ST3GAL4: variants seen among roughly 807,000 people sequenced by gnomAD.
The protein encoded by ST3GAL4 is CMP-N-acetylneuraminate-beta-galactosamide-alpha-2,3-sialyltransferase 4.
ST3GAL4 carries 24 observed loss-of-function variants against 42.6 expected under a neutral mutation model. That is an observed-to-expected ratio of 0.56 (90% confidence interval 0.41 to 0.79). The LOEUF is 0.79. Among genes scored for constraint, ST3GAL4 ranks in the 30% least tolerant of loss-of-function variants. The pLI, the probability that ST3GAL4 is intolerant of heterozygous loss-of-function variation, is 0.00. For synonymous variants in ST3GAL4, 135 were observed against 163.2 expected (o/e 0.83, Z 1.32); for missense variants, 311 against 430.8 (o/e 0.72, Z 2.46).
In ST3GAL4 at chr11:126,414,539, G is replaced by A; in HGVS notation, c.*492G>A. The A allele has an allele frequency of 6.1e-6, 1 of 164,496 alleles. No homozygotes were observed. The highest frequency in any genetic ancestry group is 1.3e-5 in the Non-Finnish European group (1 of 75,024). 10.2% of individuals were successfully genotyped at this position (164,496 alleles called of 1,614,324 possible). A position where few individuals can be genotyped will look rare whatever the true frequency, so the allele number is the denominator to read the frequency against. On this transcript the variant is annotated 3_prime_UTR_variant, in exon 11 of 11. Transcript: ENST00000444328. ...GAGAGGGGCTGCTACCTCCCAGCAG[G>A]CATGGGAAGAGCACTGGTGTGGGGG...
At chr11:126,371,937 C>T (rs892795307) in intron 1 of ST3GAL4, among the ~76,000 whole-genome samples, 1 of 150,896 alleles carries the variant, frequency 6.6e-6, no homozygotes, top group Non-Finnish European at 1.5e-5. Flanking sequence ...TCCCTGGTTA[C>T]TAGTGAGCCT....
At chr11:126,369,417 T>A (rs1952556533) in intron 1 of ST3GAL4, among the ~76,000 whole-genome samples, 1 of 152,098 alleles carries the variant, frequency 6.6e-6, no homozygotes, top group Admixed American at 6.5e-5. Context: ...CCTGCTAATT[T>A]TTGTATTTTT....
rs1954508862 is a variant in ST3GAL4, at chr11:126,411,197, G to A, written c.771+1786G>A. Among the ~76,000 whole-genome samples the A allele has an allele frequency of 6.6e-6, 1 of 151,868 alleles. No individual in the cohort carries two copies. Among genetic ancestry groups the A allele is most frequent in the East Asian group, 1.9e-4 (1 of 5,176 alleles). On this transcript the variant is annotated intron_variant, in intron 9 of 10. Transcript: ENST00000444328. This position sits in a 1 kb window ranked among gnomAD's most constrained non-coding sequence, Gnocchi z 6.3. ...GTCTTGCTCTGTCACCCAGGCTGGA[G>A]TGCAGTGGGGTGATCTTGGCTCACT... is the stretch of plus-strand genomic sequence containing the variant.
chr11:126,399,492 A>G (rs1953917775), intron 1 of ST3GAL4, among the ~76,000 whole-genome samples: 1 of 151,464 alleles, frequency 6.6e-6, no homozygotes, highest in Non-Finnish European at 1.5e-5. Flanking sequence ...TTTTTAGTAG[A>G]GATGGGGTTT....
intron 1 of ST3GAL4, among the ~76,000 whole-genome samples, chr11:126,369,261 G>A (rs543846043): frequency 3.3e-4 from 50 of 151,864 alleles, no homozygotes; most frequent in African/African-American, 1.1e-3. Context: ...TTTTTTGGGG[G>A]GGGGAGGCAG....
In ST3GAL4 at chr11:126,358,020, C is replaced by T. The variant is rs536941620; in HGVS notation, c.-61+2178C>T. 2.3e-3 allele frequency among the ~76,000 whole-genome samples: 346 copies of T among 152,354 alleles called. 13 individuals are homozygous for T. The South Asian group carries it at 0.068, about 30-fold the overall frequency. ...GGGCCTGCAGGGGATGGAGAGGGAG[C>T]TTGGGCCCCAAGTGGGGTCTGAAGT... is the stretch of plus-strand genomic sequence containing the variant. On this transcript the variant is annotated intron_variant, in intron 1 of 10. Coordinates refer to ENST00000444328, the MANE Select transcript of ST3GAL4 (RefSeq NM_001254757.2).
At chr11:126,381,420 C>T (rs1210637072) in intron 1 of ST3GAL4, among the ~76,000 whole-genome samples, 2 of 151,686 alleles carry the variant, frequency 1.3e-5, no homozygotes, top group African/African-American at 4.8e-5. Context: ...AAGCCCCTTA[C>T]ATAACCAGGG....
In ST3GAL4 at chr11:126,397,882, C is replaced by G. The variant is rs1953844536; in HGVS notation, c.-60-8214C>G. On this transcript the variant is annotated intron_variant, in intron 1 of 10. Transcript: ENST00000444328. This position sits in a 1 kb window ranked among gnomAD's most constrained non-coding sequence, Gnocchi z 5.0. ...ATGAGAACAGAGCCCTTGACCCATT[C>G]ATGAGAACAGAGCCCTCATGGCCTA... is the stretch of plus-strand genomic sequence containing the variant. 1.3e-5 allele frequency among the ~76,000 whole-genome samples: 2 copies of G among 152,130 alleles called. No homozygotes were observed. The highest frequency in any genetic ancestry group is 3.9e-4 in the East Asian group (2 of 5,188).
At chr11:126,405,869 C>A (rs7933887) in intron 1 of ST3GAL4, 117,358 of 575,048 alleles carry the variant, frequency 0.2, 13,182 homozygotes, top group African/African-American at 0.26. Context: ...CTGGCTGGAC[C>A]CTCGGTTTTC....
intron 1 of ST3GAL4, among the ~76,000 whole-genome samples, chr11:126,369,712 A>C (rs1292498287): frequency 6.6e-6 from 1 of 152,166 alleles, no homozygotes; most frequent in Non-Finnish European, 1.5e-5. Flanking sequence ...TATTTTAATC[A>C]AATTATTACT....
chr11:126,364,582 C>T (rs1768795623), intron 1 of ST3GAL4, among the ~76,000 whole-genome samples: 1 of 142,950 alleles, frequency 7.0e-6, no homozygotes, highest in South Asian at 2.3e-4. Context: ...GGAGGCTGTT[C>T]CTTGGCCGCA....
At position 126,406,299 on chromosome 11, in the gene ST3GAL4, G is replaced by C; in HGVS notation, c.16+128G>C. 1 of 1,543,192 alleles carries C rather than the reference G, an allele frequency of 6.5e-7. No individual in the cohort carries two copies. The highest frequency in any genetic ancestry group is 8.7e-7 in the Non-Finnish European group (1 of 1,143,604). ...AGCCAGGGGCCCTTCTCTTCATCTT[G>C]AAGGACAGTGGGTACAATCAGGGTC... On this transcript the variant is annotated intron_variant, in intron 2 of 10. Coordinates refer to ENST00000444328, the MANE Select transcript of ST3GAL4 (RefSeq NM_001254757.2). The surrounding 1 kb of genome is among the most constrained non-coding windows in gnomAD (Gnocchi z 5.4).
chr11:126,406,096 G>C lies in ST3GAL4; in HGVS notation c.-60G>C. 6.4e-7 allele frequency: 1 copy of C among 1,551,656 alleles called. No homozygotes were observed. Among genetic ancestry groups the C allele is most frequent in the Middle Eastern group, 1.7e-4 (1 of 5,986 alleles). On this transcript the variant is annotated splice_region_variant and 5_prime_UTR_variant, in exon 2 of 11. Coordinates refer to ENST00000444328, the MANE Select transcript of ST3GAL4 (RefSeq NM_001254757.2). This position sits in a 1 kb window ranked among gnomAD's most constrained non-coding sequence, Gnocchi z 5.4. ...GACACCTGTGGCTCTTATTTCCTAG[G>C]TGGCCCGAGGCAGCCGGGATGACAG...
chr11:126,385,130 TACCTGGTCCAGGTC>T (rs1953175740), intron 1 of ST3GAL4, among the ~76,000 whole-genome samples: 1 of 151,938 alleles, frequency 6.6e-6, no homozygotes, highest in African/African-American at 2.4e-5. Context: ...AGAGGTTAAG[TACCTGGTCCAGGTC>T]ACCTGGTCAG....
At chr11:126,399,798 A>G (rs1953929187) in intron 1 of ST3GAL4, among the ~76,000 whole-genome samples, 1 of 152,140 alleles carries the variant, frequency 6.6e-6, no homozygotes, top group South Asian at 2.1e-4. Flanking sequence ...ATGTAGCCAC[A>G]TTCTTTGCTG....
rs976505120 is a variant in ST3GAL4 at position 126,400,808 on chromosome 11, A to C, written c.-60-5288A>C. 6.6e-5 allele frequency among the ~76,000 whole-genome samples: 10 copies of C among 152,332 alleles called. No individual in the cohort carries two copies. Among genetic ancestry groups the C allele is most frequent in the African/African-American group, 2.2e-4 (9 of 41,572 alleles). ...TCCGGAAGAGGAGCTGGAGGGCTGC[A>C]CTGTGAAGTATTTCTCAGAGTCTAG... On this transcript the variant is annotated intron_variant, in intron 1 of 10. Coordinates refer to ENST00000444328, the MANE Select transcript of ST3GAL4 (RefSeq NM_001254757.2). This position sits in a 1 kb window ranked among gnomAD's most constrained non-coding sequence, Gnocchi z 4.6.
At chr11:126,382,699 C>A (rs1391948302) in intron 1 of ST3GAL4, among the ~76,000 whole-genome samples, 1 of 152,180 alleles carries the variant, frequency 6.6e-6, no homozygotes, top group African/African-American at 2.4e-5. Flanking sequence ...TTCCATGGGA[C>A]CCTGGGCTGG....
At chr11:126,372,398 T>C (rs949752921) in intron 1 of ST3GAL4, among the ~76,000 whole-genome samples, 1 of 151,832 alleles carries the variant, frequency 6.6e-6, no homozygotes, top group Non-Finnish European at 1.5e-5. Flanking sequence ...AGAATTTCTT[T>C]TTTTCTTTTC....
At position 126,398,363 on chromosome 11, in the gene ST3GAL4, G is replaced by A. The variant is rs1953864530; in HGVS notation, c.-60-7733G>A. 6.6e-6 allele frequency among the ~76,000 whole-genome samples: 1 copy of A among 152,234 alleles called. No individual in the cohort carries two copies. Among genetic ancestry groups the A allele is most frequent in the African/African-American group, 2.4e-5 (1 of 41,466 alleles). On this transcript the variant is annotated intron_variant, in intron 1 of 10. Transcript: ENST00000444328. The surrounding 1 kb of genome is among the most constrained non-coding windows in gnomAD (Gnocchi z 4.7). ...TCCCAACTTGACAATAATCTTCTTT[G>A]ACTCCATGTCCTGCCTTCCAGACAC...
Sources: gnomAD v4.1 joint callset for allele counts (sites outside exome capture counted in the v4.1 genomes callset) on GRCh38, gnomAD v4.1.1 for gene constraint, Gnocchi (gnomAD v3.1) non-coding constraint, MANE v1.5 for transcripts, NCBI Gene and HGNC (gene_info 2026-07-23, HGNC 2026-07-21) for gene names.